ANXA10: variants seen among roughly 807,000 people sequenced by gnomAD.
ANXA10 encodes annexin A10.
In ANXA10, 49 loss-of-function variants were observed where a neutral mutation model predicts 53.5. The ratio of observed to expected loss-of-function variants is 0.92; its 90% CI spans 0.73 to 1.16. ANXA10 has a LOEUF of 1.16. Among genes scored for constraint, ANXA10 ranks in the 50% most tolerant of loss-of-function variants. The probability of loss-of-function intolerance (pLI) is 0.00; values close to 1 mark genes in which losing one functional copy is unlikely to be tolerated. For synonymous variants in ANXA10, 131 were observed against 128.9 expected (o/e 1.02, Z -0.11); for missense variants, 393 against 394.4 (o/e 1.00, Z 0.03).
At chr4:168,092,798 G>T in intron 1 of ANXA10, 80 bp downstream of exon 1, 4 of 1,306,596 alleles carry the variant, frequency 3.1e-6, no homozygotes, top group African/African-American at 1.5e-5. Context: ...GTTTTTTGAC[G>T]TTTTTAACAG....
At chr4:168,181,831 T>A in intron 10 of ANXA10, 90 bp downstream of exon 10, 1 of 1,011,606 alleles carries the variant, frequency 9.9e-7, no homozygotes, top group Non-Finnish European at 1.5e-6. Context: ...TAAATGTTCA[T>A]TACCATTTTT....
At chr4:168,176,029 G>C (rs751285354) in intron 6 of ANXA10, among the ~76,000 whole-genome samples, 1 of 152,134 alleles carries the variant, frequency 6.6e-6, no homozygotes, top group African/African-American at 2.4e-5. Context: ...ATTGGGTTAA[G>C]TATTTGACTC....
chr4:168,130,868 C>T (rs990212707), intron 2 of ANXA10, among the ~76,000 whole-genome samples: 136 of 151,578 alleles, frequency 9.0e-4, no homozygotes, highest in African/African-American at 3.1e-3. Flanking sequence ...CTCTCTCTCC[C>T]TCTCTTGCTT....
At position 168,169,512 on chromosome 4, in the gene ANXA10, T is replaced by C. The variant is rs138156434; in HGVS notation, c.480+4186T>C. On this transcript the variant is annotated intron_variant, in intron 6 of 11. Transcript: ENST00000359299. ...TCCTGCTTCTGTTCCCTCCCTCCCATAGGTGTTGATCCCAAGAACATTCCA... is the reference window on the plus strand; with the variant it reads ...TCCTGCTTCTGTTCCCTCCCTCCCACAGGTGTTGATCCCAAGAACATTCCA... Among the ~76,000 whole-genome samples, 16 of 152,312 alleles carry C rather than the reference T, an allele frequency of 1.1e-4. No homozygotes were observed. The East Asian group carries it at 3.1e-3, about 29-fold the overall frequency.
At chr4:168,168,252 T>C (rs1213772915) in intron 6 of ANXA10, among the ~76,000 whole-genome samples, 1 of 152,168 alleles carries the variant, frequency 6.6e-6, no homozygotes, top group Admixed American at 6.5e-5. Context: ...TAGAGGTTTC[T>C]TCACAGAAGT....
intron 1 of ANXA10, among the ~76,000 whole-genome samples, chr4:168,103,849 C>G (rs1730678608): frequency 1.3e-5 from 2 of 151,778 alleles, no homozygotes; most frequent in Non-Finnish European, 2.9e-5. Flanking sequence ...TATTCTGTTT[C>G]TTCTATTCCA....
chr4:168,133,610 A>T (rs544108699), intron 2 of ANXA10, among the ~76,000 whole-genome samples: 1 of 152,144 alleles, frequency 6.6e-6, no homozygotes, highest in Admixed American at 6.6e-5. Flanking sequence ...CTGGAAGTAT[A>T]GTTTTCAATG....
intron 1 of ANXA10, among the ~76,000 whole-genome samples, chr4:168,105,796 TATTAACAGCCATTCTGATTGGTGTGAGA>T (rs1443708368): frequency 6.6e-6 from 1 of 152,174 alleles, no homozygotes; most frequent in African/African-American, 2.4e-5. Context: ...TTTGACTTTT[TATTAACAGCCATTCTGATTGGTGTGAGA>T]TGATATCTTA....
chr4:168,132,855 C>A lies in ANXA10; in HGVS notation c.100+4690C>A, dbSNP rs1731176216. On this transcript the variant is annotated intron_variant, in intron 2 of 11. Transcript: ENST00000359299. Reference sequence around the variant, plus strand: ...TAGGAGGCCACTTTTACCTATTTGACCATACAGTCGATTCTCATTATTCAC... The same window carrying A: ...TAGGAGGCCACTTTTACCTATTTGAACATACAGTCGATTCTCATTATTCAC... Among the ~76,000 whole-genome samples the A allele has an allele frequency of 2.0e-5, 3 of 152,116 alleles. 1 individual carries two copies. The highest frequency in any genetic ancestry group is 2.0e-4 in the Admixed American group (3 of 15,266).
At chr4:168,156,196 ATAATATATAT>A (rs1731665715) in intron 3 of ANXA10, among the ~76,000 whole-genome samples, 2 of 21,524 alleles carry the variant, frequency 9.3e-5, no homozygotes, top group African/African-American at 4.3e-4. Context: ...TATATTATAT[ATAATATATAT>A]TATATTATAT....
At chr4:168,147,575 A>C (rs1390594327) in intron 3 of ANXA10, among the ~76,000 whole-genome samples, 1 of 152,212 alleles carries the variant, frequency 6.6e-6, no homozygotes, top group Non-Finnish European at 1.5e-5. Flanking sequence ...TCACAGAAGA[A>C]ACAAATAAAC....
In ANXA10 at chr4:168,184,620, T is replaced by G. The variant is rs2149482703; in HGVS notation, c.845T>G (p.Leu282Arg). 1.9e-6 allele frequency: 3 copies of G among 1,614,066 alleles called. No homozygotes were observed. The East Asian group carries it at 6.7e-5, about 36-fold the overall frequency. The change falls in exon 11 of 12, where the codon CTG becomes CGG. Residue 282 changes from leucine to arginine, a missense_variant. Transcript: ENST00000359299. ...RILIARSEID[L>R]LTIRKRYKER... The stretch of plus-strand genomic sequence containing the variant: ...CTCATTGCCAGAAGTGAAATAGACC[T>G]GCTGACCATAAGGAAACGATACAAA...
At chr4:168,127,761 T>C (rs947750231) in intron 1 of ANXA10, 5 of 531,544 alleles carry the variant, frequency 9.4e-6, no homozygotes, top group East Asian at 4.4e-5. Context: ...TTTGTAGTAA[T>C]TTAAACACAC....
At chr4:168,134,777 T>TCCCTC (rs1416849425) in intron 2 of ANXA10, among the ~76,000 whole-genome samples, 1 of 152,144 alleles carries the variant, frequency 6.6e-6, no homozygotes, top group African/African-American at 2.4e-5. Flanking sequence ...TAGGCCTTCC[T>TCCCTC]CCCTCCCTGT....
intron 3 of ANXA10, among the ~76,000 whole-genome samples, chr4:168,139,895 GTGT>G (rs1323456028): frequency 1.3e-5 from 2 of 152,128 alleles, no homozygotes; most frequent in African/African-American, 4.8e-5. Context: ...TAGGCTTAAA[GTGT>G]TGTGCTGGAA....
intron 3 of ANXA10, among the ~76,000 whole-genome samples, chr4:168,155,751 TATTATATAATATA>T (rs1324975716): frequency 5.2e-5 from 2 of 38,592 alleles, no homozygotes; most frequent in Non-Finnish European, 8.3e-5. Flanking sequence ...ATATATTATA[TATTATATAATATA>T]TGATATATCA....
At chr4:168,140,771 A>T (rs1005355775) in intron 3 of ANXA10, among the ~76,000 whole-genome samples, 10 of 152,042 alleles carry the variant, frequency 6.6e-5, no homozygotes, top group African/African-American at 1.7e-4. Context: ...GCTGTGCGTC[A>T]CCACGCCCAG....
At chr4:168,139,101 C>G (rs532612354) in intron 2 of ANXA10, among the ~76,000 whole-genome samples, 1 of 151,908 alleles carries the variant, frequency 6.6e-6, no homozygotes, top group African/African-American at 2.4e-5. Context: ...TTTTCTCTTG[C>G]CTGATTGCTC....
chr4:168,111,358 A>C (rs1202572775), intron 1 of ANXA10, among the ~76,000 whole-genome samples: 1 of 152,226 alleles, frequency 6.6e-6, no homozygotes, highest in Non-Finnish European at 1.5e-5. Context: ...TTTCTAGATT[A>C]ATTTATGTGT....
Sources: allele counts gnomAD v4.1 joint callset (sites outside exome capture counted in the v4.1 genomes callset), GRCh38; gene constraint gnomAD v4.1.1; transcripts MANE v1.5; gene names NCBI Gene and HGNC (gene_info 2026-07-23, HGNC 2026-07-21).